WNK2: variants seen among roughly 807,000 people sequenced by gnomAD.
WNK2 encodes WNK lysine deficient protein kinase 2.
In WNK2, 67 loss-of-function variants were observed where a neutral mutation model predicts 192.1. That is an observed-to-expected ratio of 0.35 (90% CI 0.29 to 0.43). WNK2 has a LOEUF of 0.43. Ranked by LOEUF, WNK2 falls within the 20% of genes least tolerant of loss-of-function variation. The probability of loss-of-function intolerance (pLI) is 1.00; values close to 1 mark genes in which losing one functional copy is unlikely to be tolerated. For synonymous variants in WNK2, 1,439 were observed against 1,393.9 expected, an observed-to-expected ratio of 1.03 and a Z score of -0.72; for missense variants, 2,698 against 3,089.7, an observed-to-expected ratio of 0.87 and a Z score of 3.01.
intron 23 of WNK2, among the ~76,000 whole-genome samples, chr9:93,295,580 T>A (rs1850122145): frequency 6.6e-6 from 1 of 151,872 alleles, no homozygotes; most frequent in South Asian, 2.1e-4. Flanking sequence ...GCACTTGGGG[T>A]GAAGGCAAGG....
chr9:93,270,720 T>C (rs1382159926), intron 19 of WNK2, among the ~76,000 whole-genome samples: 1 of 152,122 alleles, frequency 6.6e-6, no homozygotes, highest in African/African-American at 2.4e-5. Flanking sequence ...CCCCTCCCCA[T>C]TGCTCACCCC....
intron 2 of WNK2, among the ~76,000 whole-genome samples, chr9:93,219,269 C>A (rs1373603398): frequency 2.6e-5 from 4 of 152,212 alleles, no homozygotes; most frequent in Non-Finnish European, 5.9e-5. Flanking sequence ...TCCCATTGGT[C>A]AACATGCCGT....
chr9:93,238,136 C>A, intron 5 of WNK2, 97 bp from the exon 6 acceptor site: 1 of 1,065,854 alleles, frequency 9.4e-7, no homozygotes. Context: ...GTGCCCGTGT[C>A]CTGCCGTGGC....
rs549346838 is a variant in WNK2, at chr9:93,259,645, C to T, written c.3066+31C>T. On this transcript the variant is annotated intron_variant, in intron 12 of 29. Transcript: ENST00000427277. This position sits in a 1 kb window ranked among gnomAD's most constrained non-coding sequence, Gnocchi z 4.8. Reference sequence around the variant, plus strand: ...CACCTGCTGGGCAGGGGCTCACCCTCCCAGCGTCTGGGGACCCTCAGGACC... The same window carrying T: ...CACCTGCTGGGCAGGGGCTCACCCTTCCAGCGTCTGGGGACCCTCAGGACC... 1 of 1,515,288 alleles carries T rather than the reference C, an allele frequency of 6.6e-7. No individual in the cohort carries two copies. Among genetic ancestry groups the T allele is most frequent in the Admixed American group, 2.1e-5 (1 of 48,088 alleles). The allele number at this position is 1,515,288 out of a possible 1,614,324, so 93.9% of individuals were successfully genotyped here.
chr9:93,208,529 CTG>C lies in WNK2; in HGVS notation c.682-21158_682-21157del, dbSNP rs576189045. On this transcript the variant is annotated intron_variant, in intron 2 of 29. Coordinates refer to ENST00000427277, the MANE Select transcript of WNK2 (RefSeq NM_006648.4). ...TCCACGTGTACATGTTATGTGTATTCTGTGTGTGTGCATGTGCTGTGTGCACG... is the reference window on the plus strand; with the variant it reads ...TCCACGTGTACATGTTATGTGTATTCTGTGTGTGCATGTGCTGTGTGCACG... Among the ~76,000 whole-genome samples the C allele has an allele frequency of 3.1e-4, 47 of 151,236 alleles. No homozygotes were observed. The East Asian group carries it at 5.3e-3, about 17-fold the overall frequency.
chr9:93,222,494 C>T lies in WNK2; in HGVS notation c.682-7202C>T, dbSNP rs562642121. Among the ~76,000 whole-genome samples, 12 of 152,274 alleles carry T rather than the reference C, an allele frequency of 7.9e-5. No homozygotes were observed. In the South Asian group the frequency reaches 2.5e-3, roughly 32 times the overall value. On this transcript the variant is annotated intron_variant, in intron 2 of 29. Transcript: ENST00000427277. ...GGAAGAGTCCAGTGCCGCCGACTCA[C>T]CCCCAACTGAGCACCTCCTTCCCTG... is the stretch of plus-strand genomic sequence containing the variant.
At chr9:93,234,198 A>G (rs1839413103) in intron 4 of WNK2, among the ~76,000 whole-genome samples, 1 of 152,216 alleles carries the variant, frequency 6.6e-6, no homozygotes, top group African/African-American at 2.4e-5. Context: ...AGCCACATAC[A>G]GTTCCCATCT....
At chr9:93,250,081 T>G (rs926623055) in intron 8 of WNK2, among the ~76,000 whole-genome samples, 1 of 152,084 alleles carries the variant, frequency 6.6e-6, no homozygotes, top group East Asian at 1.9e-4. Context: ...GCCCAGCTAA[T>G]TTTTGTATTT....
rs34492909 is a variant in WNK2, at chr9:93,275,395, TA to T, written c.4033+6660del. ...GCAACATAGCAAGACCCAGGTATCT[TA>T]AAAAAAAAAAGTAATAATTCTTAGC... On this transcript the variant is annotated intron_variant, in intron 19 of 29. Transcript: ENST00000427277. Among the ~76,000 whole-genome samples, 991 of 146,844 alleles carry T rather than the reference TA, an allele frequency of 6.7e-3. 9 individuals carry two copies. The highest frequency in any genetic ancestry group is 0.022 in the African/African-American group (903 of 40,224).
At chr9:93,284,407 A>G (rs1481469520) in intron 19 of WNK2, among the ~76,000 whole-genome samples, 1 of 152,232 alleles carries the variant, frequency 6.6e-6, no homozygotes, top group Non-Finnish European at 1.5e-5. Context: ...GTTTAACTTA[A>G]TTCGAATAAA....
chr9:93,245,331 A>C (rs1446897791), intron 7 of WNK2, among the ~76,000 whole-genome samples: 1 of 152,138 alleles, frequency 6.6e-6, no homozygotes, highest in Admixed American at 6.5e-5. Flanking sequence ...TCCTCGGGCC[A>C]CTCAGGTCCC....
At position 93,263,604 on chromosome 9, in the gene WNK2, G is replaced by T. The variant is rs1213665998; in HGVS notation, c.3449G>T (p.Ser1150Ile). ...GATGTCACTTCTGGAAAAGAGCTGA[G>T]TGACAGCTGTGAAGGCGCCTTTGGA... ...GSDVTSGKEL[S>I]DSCEGAFGGG... is the part of the protein sequence containing the mutation. The change falls in exon 15 of 30, where the codon AGT (serine) becomes ATT (isoleucine). Residue 1150 changes from serine to isoleucine, a missense_variant. Physicochemically the swap from Ser to Ile is moderately radical, Grantham distance 142 (BLOSUM62 -2). Around this residue, in one of 7 missense-constraint regions of WNK2, gnomAD observed 893 missense variants for 909.0 expected, o/e 0.98. Coordinates refer to ENST00000427277, the MANE Select transcript of WNK2 (RefSeq NM_006648.4). 1 of 1,610,750 alleles carries T rather than the reference G, an allele frequency of 6.2e-7. No homozygotes were observed. The highest frequency in any genetic ancestry group is 1.7e-5 in the Admixed American group (1 of 59,742).
chr9:93,187,050 T>C (rs1386833450), intron 2 of WNK2, among the ~76,000 whole-genome samples: 1 of 152,192 alleles, frequency 6.6e-6, no homozygotes, highest in African/African-American at 2.4e-5. Flanking sequence ...CTCTTGATTC[T>C]GGCGAGCGGT....
intron 2 of WNK2, among the ~76,000 whole-genome samples, chr9:93,223,703 G>A (rs1369469653): frequency 1.3e-5 from 2 of 152,200 alleles, no homozygotes; most frequent in Admixed American, 6.5e-5. Context: ...GCAGGCAGGA[G>A]CCTGCTGGCC....
intron 7 of WNK2, among the ~76,000 whole-genome samples, chr9:93,246,531 A>G (rs1325290638): frequency 6.6e-6 from 1 of 152,144 alleles, no homozygotes; most frequent in Non-Finnish European, 1.5e-5. Context: ...CCCAGCAAAA[A>G]GGTTCCTGTT....
intron 8 of WNK2, among the ~76,000 whole-genome samples, chr9:93,248,494 G>A (rs886922057): frequency 1.3e-5 from 2 of 152,260 alleles, no homozygotes; most frequent in African/African-American, 2.4e-5. Flanking sequence ...TGGGGGGAAT[G>A]TGAAGGCCAG....
At position 93,259,065 on chromosome 9, in the gene WNK2, C is replaced by T; in HGVS notation, c.2517C>T (p.Ile839=). Residue 839 remains isoleucine (I), a synonymous_variant, in exon 12 of 30, where the codon ATC becomes ATT. Transcript: ENST00000427277. The surrounding 1 kb of genome is among the most constrained non-coding windows in gnomAD (Gnocchi z 4.8). ...CTCAGTATTTCTCTCCAGCCGTGATCTTGCCGAGCCTCGCTGCCCCACTCC... is the reference window on the plus strand; with the variant it reads ...CTCAGTATTTCTCTCCAGCCGTGATTTTGCCGAGCCTCGCTGCCCCACTCC... ...PPPQYFSPAV[I]LPSLAAPLPP... is the part of the protein sequence containing the mutation. The T allele has an allele frequency of 1.2e-6, 2 of 1,613,214 alleles. No individual in the cohort carries two copies. Among genetic ancestry groups the T allele is most frequent in the Non-Finnish European group, 1.7e-6 (2 of 1,179,790 alleles).
At chr9:93,214,642 C>T (rs1294367962) in intron 2 of WNK2, among the ~76,000 whole-genome samples, 1 of 148,428 alleles carries the variant, frequency 6.7e-6, no homozygotes, top group African/African-American at 2.5e-5. Flanking sequence ...AGTCATTTTA[C>T]ATGGTTTCTG....
At chr9:93,233,963 G>A (rs552164589) in intron 4 of WNK2, among the ~76,000 whole-genome samples, 16 of 152,244 alleles carry the variant, frequency 1.1e-4, no homozygotes, top group African/African-American at 3.6e-4. Flanking sequence ...TATTATGAAA[G>A]CTAAAGCTTA....
Sources: gnomAD v4.1 joint callset for allele counts (sites outside exome capture counted in the v4.1 genomes callset) on GRCh38, gnomAD v4.1.1 for gene constraint, gnomAD v4.1.1 regional missense constraint, Gnocchi (gnomAD v3.1) non-coding constraint, MANE v1.5 for transcripts, NCBI Gene and HGNC (gene_info 2026-07-23, HGNC 2026-07-21) for gene names.